Variants in VTA1 observed in about 807,000 individuals in gnomAD.
VTA1 encodes vacuolar protein sorting-associated protein VTA1 homolog.
In VTA1, 24 loss-of-function variants were observed where a neutral mutation model predicts 36.9. That is an observed-to-expected ratio of 0.65 (90% CI 0.47 to 0.91). VTA1 has a LOEUF of 0.91. Among genes scored for constraint, VTA1 ranks in the 40% least tolerant of loss-of-function variants. VTA1 has a pLI of 0.00. For missense variants in VTA1, 393 were observed against 377.2 expected (o/e 1.04, Z -0.35); for synonymous variants, 142 against 130.2 (o/e 1.09, Z -0.62).
intron 1 of VTA1, among the ~76,000 whole-genome samples, chr6:142,164,173 A>T (rs537428651): frequency 9.9e-5 from 15 of 152,280 alleles, no homozygotes; most frequent in African/African-American, 3.6e-4. Context: ...TTGGCAATAC[A>T]GTAAGATACA....
chr6:142,218,431 AT>A (rs1483551452), intron 7 of VTA1, 66 bp from the exon 8 acceptor site: 1 of 1,540,406 alleles, frequency 6.5e-7, no homozygotes, highest in East Asian at 2.3e-5. Flanking sequence ...AAGCATAAGC[AT>A]TTGCCCAACC....
rs1263224114 is a variant in VTA1 at position 142,161,084 on chromosome 6, C to CTT, written c.113-5144_113-5143insTT. Among the ~76,000 whole-genome samples the CTT allele has an allele frequency of 2.2e-5, 3 of 136,462 alleles. No homozygotes were observed. The South Asian group carries it at 7.2e-4, about 33-fold the overall frequency. The allele number at this position is 136,462 out of a possible 152,430, so 89.5% of individuals were successfully genotyped here. A position where few individuals can be genotyped will look rare whatever the true frequency, so the allele number is the denominator to read the frequency against. On this transcript the variant is annotated intron_variant, in intron 1 of 7. Transcript: ENST00000367630. ...TCATTCATGCTTCCTTCCTTCCCCC[C>CTT]CCCCCCTTTTTTTGGGTCAAATAGT... is the stretch of plus-strand genomic sequence containing the variant.
At chr6:142,205,075 T>C (rs539907677) in intron 7 of VTA1, among the ~76,000 whole-genome samples, 123 of 152,284 alleles carry the variant, frequency 8.1e-4, no homozygotes, top group African/African-American at 2.8e-3. Flanking sequence ...TCTGCCAGTG[T>C]GTTTTTCAGC....
intron 1 of VTA1, among the ~76,000 whole-genome samples, chr6:142,158,485 G>A (rs1213636982): frequency 2.0e-5 from 3 of 152,140 alleles, no homozygotes; most frequent in Non-Finnish European, 2.9e-5. Context: ...GATCCATGGC[G>A]ATTACTCGTT....
At chr6:142,154,021 TTG>T (rs536505378) in intron 1 of VTA1, among the ~76,000 whole-genome samples, 4 of 151,566 alleles carry the variant, frequency 2.6e-5, no homozygotes, top group East Asian at 1.9e-4. Flanking sequence ...TTACATGTAT[TTG>T]TGTGTGTGTG....
chr6:142,186,714 A>C (rs908295057), intron 4 of VTA1, among the ~76,000 whole-genome samples: 3 of 152,182 alleles, frequency 2.0e-5, no homozygotes, highest in African/African-American at 7.2e-5. Flanking sequence ...CCAAGTGGTG[A>C]TGTCACATAG....
At chr6:142,163,740 A>T (rs533588143) in intron 1 of VTA1, among the ~76,000 whole-genome samples, 2 of 152,146 alleles carry the variant, frequency 1.3e-5, no homozygotes, top group Non-Finnish European at 2.9e-5. Context: ...AACATAGTTC[A>T]TAATTGAGAG....
intron 1 of VTA1, among the ~76,000 whole-genome samples, chr6:142,149,715 CATT>C (rs756787516): frequency 6.6e-6 from 1 of 152,246 alleles, no homozygotes; most frequent in Non-Finnish European, 1.5e-5. Flanking sequence ...TGTTATCAAT[CATT>C]GTATGAATCT....
intron 1 of VTA1, among the ~76,000 whole-genome samples, 178 bp downstream of exon 1, chr6:142,147,577 A>G (rs917582980): frequency 9.9e-5 from 15 of 152,180 alleles, no homozygotes; most frequent in African/African-American, 3.6e-4. Flanking sequence ...ATCCCAAAAC[A>G]CCATGGTGTC....
chr6:142,189,965 G>C (rs1222037050), intron 5 of VTA1, among the ~76,000 whole-genome samples: 4 of 152,112 alleles, frequency 2.6e-5, no homozygotes, highest in African/African-American at 9.7e-5. Flanking sequence ...CACTGTGTTA[G>C]ACAGGATGGT....
At chr6:142,203,841 C>G (rs1443605433) in intron 6 of VTA1, 144 bp from the exon 7 acceptor site, 2 of 635,626 alleles carry the variant, frequency 3.1e-6, no homozygotes, top group African/African-American at 1.8e-5. Flanking sequence ...CCAACATCAA[C>G]TAAGTATGTC....
At position 142,198,498 on chromosome 6, in the gene VTA1, T is replaced by C. The variant is rs774096796; in HGVS notation, c.580T>C (p.Ser194Pro). Residue 194 changes from serine (S) to proline (P), a missense_variant, in exon 6 of 8, where the codon TCA (serine) becomes CCA (proline). Coordinates refer to ENST00000367630, the MANE Select transcript of VTA1 (RefSeq NM_016485.5). ...ASLPTQPTQP[S>P]SSSTYDPSNM... The stretch of plus-strand genomic sequence containing the variant: ...TCTGCCCACTCAGCCAACTCAGCCA[T>C]CATCATCTTCAACTTATGACCCAAG... 1.2e-6 allele frequency: 2 copies of C among 1,614,104 alleles called. No homozygotes were observed. Among genetic ancestry groups the C allele is most frequent in the Non-Finnish European group, 1.7e-6 (2 of 1,179,992 alleles).
chr6:142,200,155 TA>T (rs1206262270), intron 6 of VTA1, among the ~76,000 whole-genome samples: 1 of 152,140 alleles, frequency 6.6e-6, no homozygotes, highest in Non-Finnish European at 1.5e-5. Context: ...CTCGTGACCT[TA>T]ATTTTTCCTC....
intron 2 of VTA1, among the ~76,000 whole-genome samples, chr6:142,168,863 T>C (rs1160757174): frequency 6.6e-6 from 1 of 151,384 alleles, no homozygotes; most frequent in Non-Finnish European, 1.5e-5. Context: ...TCCTCCCAGG[T>C]TCATGCCATT....
At chr6:142,175,473 C>A (rs1333196994) in intron 4 of VTA1, among the ~76,000 whole-genome samples, 2 of 152,018 alleles carry the variant, frequency 1.3e-5, no homozygotes, top group African/African-American at 2.4e-5. Context: ...CTAGTCCTTA[C>A]ATGAATTTCT....
chr6:142,154,285 A>G (rs1478500445), intron 1 of VTA1, among the ~76,000 whole-genome samples: 1 of 152,098 alleles, frequency 6.6e-6, no homozygotes, highest in East Asian at 1.9e-4. Flanking sequence ...TTCATTTGGC[A>G]TAATCTCTGG....
rs562054395 is a variant in VTA1 at position 142,170,117 on chromosome 6, C to T, written c.336-229C>T. Reference sequence around the variant, plus strand: ...ACATTTTTCTAAAGTCAAAAACATACAAAAAATCTTGACGTAGCGCATTTA... The same window carrying T: ...ACATTTTTCTAAAGTCAAAAACATATAAAAAATCTTGACGTAGCGCATTTA... On this transcript the variant is annotated intron_variant, in intron 3 of 7. Transcript: ENST00000367630. 4.6e-5 allele frequency among the ~76,000 whole-genome samples: 7 copies of T among 152,136 alleles called. No homozygotes were observed. In the South Asian group the frequency reaches 1.5e-3, roughly 32 times the overall value.
At position 142,149,767 on chromosome 6, in the gene VTA1, C is replaced by T. The variant is rs555209071; in HGVS notation, c.112+2368C>T. Reference sequence around the variant, plus strand: ...CTTCTGATTTTATAGGCTTTCATTTCTTTTCGTGTATTTGTTTGGGACTTT... The same window carrying T: ...CTTCTGATTTTATAGGCTTTCATTTTTTTTCGTGTATTTGTTTGGGACTTT... On this transcript the variant is annotated intron_variant, in intron 1 of 7. Coordinates refer to ENST00000367630, the MANE Select transcript of VTA1 (RefSeq NM_016485.5). Among the ~76,000 whole-genome samples, 4 of 152,158 alleles carry T rather than the reference C, an allele frequency of 2.6e-5. No individual in the cohort carries two copies. The South Asian group carries it at 8.3e-4, about 32-fold the overall frequency.
intron 1 of VTA1, among the ~76,000 whole-genome samples, chr6:142,156,165 CT>C (rs754381447): frequency 6.6e-6 from 1 of 152,132 alleles, no homozygotes. Context: ...GCCTCACAGT[CT>C]TTCTGGTCCT....
Sources: allele counts gnomAD v4.1 joint callset (sites outside exome capture counted in the v4.1 genomes callset), GRCh38; gene constraint gnomAD v4.1.1; transcripts MANE v1.5; gene names NCBI Gene and HGNC (gene_info 2026-07-23, HGNC 2026-07-21).